CNTNAP2: variants seen among roughly 807,000 people sequenced by gnomAD.
CNTNAP2 encodes contactin associated protein 2.
Under a neutral mutation model 155.2 loss-of-function variants are expected in CNTNAP2, and 98 were observed. The ratio of observed to expected loss-of-function variants is 0.63; its 90% confidence interval spans 0.54 to 0.75. The LOEUF (loss-of-function observed/expected upper bound fraction) is 0.75, where lower values mean the gene tolerates loss of function less well. CNTNAP2 is among the 30% of genes least tolerant of loss of function. CNTNAP2 has a pLI of 0.00. For missense variants in CNTNAP2, 1,727 were observed against 1,688.1 expected (o/e 1.02, Z -0.40); for synonymous variants, 651 against 631.2 (o/e 1.03, Z -0.47).
At chr7:147,206,980 G>A (rs1803036234) in intron 8 of CNTNAP2, among the ~76,000 whole-genome samples, 1 of 152,082 alleles carries the variant, frequency 6.6e-6, no homozygotes, top group Admixed American at 6.6e-5. Context: ...TCAGAAACTG[G>A]GGAAGTTACA....
chr7:146,627,398 C>A (rs1350373862), intron 1 of CNTNAP2, among the ~76,000 whole-genome samples: 1 of 152,076 alleles, frequency 6.6e-6, no homozygotes, highest in Non-Finnish European at 1.5e-5. Context: ...AAAATGAAAG[C>A]TGTTTGATTA....
At chr7:146,273,198 T>C (rs1800111222) in intron 1 of CNTNAP2, among the ~76,000 whole-genome samples, 1 of 151,316 alleles carries the variant, frequency 6.6e-6, no homozygotes, top group Non-Finnish European at 1.5e-5. Flanking sequence ...ATTTTTAGTA[T>C]TAAATGCGTC....
At chr7:146,401,135 T>C in intron 1 of CNTNAP2, among the ~76,000 whole-genome samples, 1 of 152,216 alleles carries the variant, frequency 6.6e-6, no homozygotes, top group Non-Finnish European at 1.5e-5. Context: ...CAAAAAATAC[T>C]ACTTTGTAGT....
At chr7:148,210,967 A>G (rs1795537464) in intron 18 of CNTNAP2, among the ~76,000 whole-genome samples, 2 of 152,398 alleles carry the variant, frequency 1.3e-5, no homozygotes, top group Non-Finnish European at 2.9e-5. Flanking sequence ...AGAATAACAA[A>G]ACAAGTTTAA....
chr7:148,415,323 G>C, intron 23 of CNTNAP2, 94 bp from the exon 24 acceptor site: 1 of 1,247,652 alleles, frequency 8.0e-7, no homozygotes, highest in Non-Finnish European at 1.1e-6. Context: ...TATGGGAGAG[G>C]GCTGTGTCTG....
At chr7:146,162,362 T>G (rs1384459010) in intron 1 of CNTNAP2, among the ~76,000 whole-genome samples, 1 of 152,144 alleles carries the variant, frequency 6.6e-6, no homozygotes, top group African/African-American at 2.4e-5. Flanking sequence ...GAACAGACAC[T>G]TCTCAAAAGA....
At chr7:148,175,483 G>A (rs553871242) in intron 18 of CNTNAP2, among the ~76,000 whole-genome samples, 1 of 152,210 alleles carries the variant, frequency 6.6e-6, no homozygotes, top group African/African-American at 2.4e-5. Flanking sequence ...TTGTCCCTGA[G>A]AATCTCAATA....
At chr7:148,029,450 G>A (rs906815781) in intron 15 of CNTNAP2, among the ~76,000 whole-genome samples, 37 of 152,040 alleles carry the variant, frequency 2.4e-4, no homozygotes, top group African/African-American at 8.2e-4. Context: ...CTTCCATCTG[G>A]GACACTCTAG....
chr7:148,351,740 C>T (rs1798429499), intron 21 of CNTNAP2, among the ~76,000 whole-genome samples: 1 of 19,436 alleles, frequency 5.1e-5, no homozygotes, highest in Non-Finnish European at 1.0e-4. Context: ...GAGACTCTGT[C>T]TCACAAAAAA....
At chr7:146,306,725 C>G (rs1182373294) in intron 1 of CNTNAP2, among the ~76,000 whole-genome samples, 1 of 151,302 alleles carries the variant, frequency 6.6e-6, no homozygotes, top group Non-Finnish European at 1.5e-5. Context: ...GAACCAAAGA[C>G]AAAAACCACA....
At chr7:146,645,588 G>C (rs1369902050) in intron 1 of CNTNAP2, among the ~76,000 whole-genome samples, 2 of 152,070 alleles carry the variant, frequency 1.3e-5, no homozygotes, top group Non-Finnish European at 2.9e-5. Flanking sequence ...TGGGGGTGAG[G>C]GGCACTTGGC....
intron 18 of CNTNAP2, among the ~76,000 whole-genome samples, chr7:148,198,268 T>C (rs1251790910): frequency 6.6e-6 from 1 of 152,150 alleles, no homozygotes; most frequent in Admixed American, 6.5e-5. Flanking sequence ...TTCATAGCAA[T>C]TTGTCTTTGA....
At chr7:147,219,589 T>G (rs1803348610) in intron 8 of CNTNAP2, among the ~76,000 whole-genome samples, 1 of 152,220 alleles carries the variant, frequency 6.6e-6, no homozygotes, top group African/African-American at 2.4e-5. Flanking sequence ...CCTACCCAGA[T>G]TGAAGGTGGG....
At chr7:148,386,442 C>T (rs1452661145) in intron 22 of CNTNAP2, among the ~76,000 whole-genome samples, 1 of 151,838 alleles carries the variant, frequency 6.6e-6, no homozygotes. Flanking sequence ...GCAGGAGAAT[C>T]GCTTGAACTT....
At chr7:148,387,564 T>C (rs1255333040) in intron 22 of CNTNAP2, among the ~76,000 whole-genome samples, 1 of 152,140 alleles carries the variant, frequency 6.6e-6, no homozygotes, top group African/African-American at 2.4e-5. Context: ...GCAATGGGTC[T>C]CCTGGAAGCT....
intron 9 of CNTNAP2, among the ~76,000 whole-genome samples, chr7:147,352,056 C>A (rs1198334218): frequency 6.6e-6 from 1 of 151,896 alleles, no homozygotes; most frequent in East Asian, 1.9e-4. Context: ...GAATAAATAG[C>A]ATCAGCTAAG....
intron 1 of CNTNAP2, among the ~76,000 whole-genome samples, chr7:146,653,014 A>G (rs888029585): frequency 6.6e-6 from 1 of 152,160 alleles, no homozygotes; most frequent in African/African-American, 2.4e-5. Context: ...TGTTTTAAAT[A>G]CAATGTAACT....
chr7:146,767,632 A>G (rs890799243), intron 1 of CNTNAP2, among the ~76,000 whole-genome samples: 3 of 152,198 alleles, frequency 2.0e-5, no homozygotes. Flanking sequence ...AACCATAAAA[A>G]TGGGAGGAAA....
At chr7:146,915,705 G>C (rs1421279390) in intron 3 of CNTNAP2, 1 of 152,104 alleles carries the variant, frequency 6.6e-6, no homozygotes, top group Non-Finnish European at 1.5e-5. Flanking sequence ...TCATCTACCA[G>C]TTCTAGGAGC....
Sources: allele counts gnomAD v4.1 joint callset (sites outside exome capture counted in the v4.1 genomes callset), GRCh38; gene constraint gnomAD v4.1.1; transcripts MANE v1.5; gene names NCBI Gene and HGNC (gene_info 2026-07-23, HGNC 2026-07-21).